The following ELMO1 variants were observed in gnomAD, a reference collection of about 807,000 sequenced individuals.
ELMO1 encodes the protein engulfment and cell motility 1.
Under a neutral mutation model 98.9 loss-of-function variants are expected in ELMO1, and 26 were observed. The observed-to-expected ratio is 0.26, with a 90% CI of 0.19 to 0.36. The LOEUF is 0.36. ELMO1 is among the 10% of genes least tolerant of loss of function. ELMO1 has a pLI of 1.00. For synonymous variants in ELMO1, 346 were observed against 346.0 expected, an observed-to-expected ratio of 1.00 and a Z score of 0.00; for missense variants, 627 against 935.2, an observed-to-expected ratio of 0.67 and a Z score of 4.30.
At chr7:37,395,113 C>G (rs1803235901) in intron 1 of ELMO1, among the ~76,000 whole-genome samples, 1 of 151,954 alleles carries the variant, frequency 6.6e-6, no homozygotes, top group African/African-American at 2.4e-5. Context: ...TGCCTGTAAT[C>G]CCAGCACTAT....
chr7:36,861,926 C>A, intron 20 of ELMO1, 190 bp from the exon 21 acceptor site: 1 of 607,192 alleles, frequency 1.6e-6, no homozygotes, highest in South Asian at 1.9e-5. Context: ...CCATTCACGG[C>A]GGTCTGTGAA....
chr7:37,324,875 C>T lies in ELMO1; in HGVS notation c.79-8915G>A, dbSNP rs188194382. 1.4e-3 allele frequency among the ~76,000 whole-genome samples: 215 copies of T among 152,310 alleles called. 1 individual carries two copies. Among genetic ancestry groups the T allele is most frequent in the Admixed American group, 0.013 (196 of 15,300 alleles). On this transcript the variant is annotated intron_variant, in intron 2 of 21. Coordinates refer to ENST00000310758, the MANE Select transcript of ELMO1 (RefSeq NM_014800.11). Reference sequence around the variant, plus strand: ...TTACAGGCGTAAGCACCGCACCTGGCCATCAATGACTTTAGAGGACTTCCA... The same window carrying T: ...TTACAGGCGTAAGCACCGCACCTGGTCATCAATGACTTTAGAGGACTTCCA...
chr7:37,137,223 A>G (rs1163318138), intron 13 of ELMO1, among the ~76,000 whole-genome samples: 1 of 152,228 alleles, frequency 6.6e-6, no homozygotes, highest in African/African-American at 2.4e-5. Context: ...GGGAAATATC[A>G]CAATACTAAA....
At chr7:37,346,189 A>AC (rs1184015573) in intron 1 of ELMO1, among the ~76,000 whole-genome samples, 1 of 151,638 alleles carries the variant, frequency 6.6e-6, no homozygotes, top group East Asian at 1.9e-4. Context: ...AGAACTCCTG[A>AC]CCCCCTGGAC....
At chr7:37,347,387 T>C (rs1801056775) in intron 1 of ELMO1, among the ~76,000 whole-genome samples, 1 of 152,048 alleles carries the variant, frequency 6.6e-6, no homozygotes, top group African/African-American at 2.4e-5. Context: ...CTCCACCCTC[T>C]AGAGGTCAAC....
At chr7:37,307,371 T>A (rs1798666260) in intron 4 of ELMO1, among the ~76,000 whole-genome samples, 1 of 152,158 alleles carries the variant, frequency 6.6e-6, no homozygotes, top group Non-Finnish European at 1.5e-5. Context: ...CCCACTTCAC[T>A]CTGCACTTCT....
chr7:37,388,006 A>T (rs1246222431), intron 1 of ELMO1, among the ~76,000 whole-genome samples: 2 of 151,558 alleles, frequency 1.3e-5, no homozygotes, highest in Non-Finnish European at 1.5e-5. Flanking sequence ...CAATTTTTAC[A>T]TTTTTTTTGT....
intron 14 of ELMO1, among the ~76,000 whole-genome samples, chr7:37,132,617 T>C (rs925506729): frequency 1.3e-5 from 2 of 152,264 alleles, no homozygotes; most frequent in African/African-American, 4.8e-5. Context: ...ACAGAGAAAA[T>C]AGAGTCCCCC....
Position 37,155,503 on chromosome 7 carries a change from A to AAATAAAAAAAAAT in ELMO1, c.1087-22270_1087-22269insATTTTTTTTTATT, listed in dbSNP as rs1788692635. On this transcript the variant is annotated intron_variant, in intron 13 of 21. Transcript: ENST00000310758. ...AACGGAAAGCAAAAAAAAAAAAAAAAAAAAAGCAGGTGTTGCAATCCTGGT... is the reference window on the plus strand; with the variant it reads ...AACGGAAAGCAAAAAAAAAAAAAAAAAATAAAAAAAAATAAAAAGCAGGTGTTGCAATCCTGGT... 9.7e-3 allele frequency among the ~76,000 whole-genome samples: 1,276 copies of AAATAAAAAAAAAT among 131,776 alleles called. 22 individuals carry two copies. Among genetic ancestry groups the AAATAAAAAAAAAT allele is most frequent in the African/African-American group, 0.015 (549 of 36,932 alleles). 86.5% of individuals were successfully genotyped at this position (131,776 alleles called of 152,430 possible). A position where few individuals can be genotyped will look rare whatever the true frequency, so the allele number is the denominator to read the frequency against.
intron 1 of ELMO1, among the ~76,000 whole-genome samples, chr7:37,350,383 A>T (rs569670117): frequency 1.3e-5 from 2 of 152,334 alleles, no homozygotes; most frequent in South Asian, 4.1e-4. Flanking sequence ...GGAAACTTGC[A>T]GAGAAAAGTC....
chr7:36,857,892 T>A (rs1321321553), intron 21 of ELMO1, among the ~76,000 whole-genome samples: 1 of 152,100 alleles, frequency 6.6e-6, no homozygotes, highest in African/African-American at 2.4e-5. Context: ...GAACACTCCA[T>A]CATACCAGAA....
intron 4 of ELMO1, among the ~76,000 whole-genome samples, chr7:37,306,010 T>TG (rs1471182248): frequency 6.6e-6 from 1 of 152,150 alleles, no homozygotes; most frequent in African/African-American, 2.4e-5. Flanking sequence ...TCTCCAAAAG[T>TG]GGGGCTACAG....
At chr7:36,985,207 A>T (rs1233345305) in intron 16 of ELMO1, 1 of 769,138 alleles carries the variant, frequency 1.3e-6, no homozygotes, top group East Asian at 1.3e-4. Context: ...CAATCCTTGA[A>T]TATAACTTTG....
At chr7:36,990,464 A>C (rs563371113) in intron 16 of ELMO1, among the ~76,000 whole-genome samples, 1 of 152,196 alleles carries the variant, frequency 6.6e-6, no homozygotes, top group African/African-American at 2.4e-5. Flanking sequence ...TGTGCTGTCC[A>C]CAAAAGGAGA....
chr7:37,429,869 T>A (rs1042913212), intron 1 of ELMO1: 7 of 152,236 alleles, frequency 4.6e-5, no homozygotes, highest in African/African-American at 1.7e-4. Flanking sequence ...CAGACTACAA[T>A]TACCTGGTGC....
chr7:37,284,198 A>G (rs947935913), intron 4 of ELMO1, among the ~76,000 whole-genome samples: 1 of 152,270 alleles, frequency 6.6e-6, no homozygotes, highest in Admixed American at 6.5e-5. Context: ...GACCCTGGGC[A>G]TGTCAATTTG....
intron 1 of ELMO1, among the ~76,000 whole-genome samples, chr7:37,441,142 G>GAA (rs757128289): frequency 7.2e-6 from 1 of 138,840 alleles, no homozygotes; most frequent in East Asian, 2.1e-4. Flanking sequence ...ATTCTGAACT[G>GAA]AAAAAAAAAA....
At chr7:37,266,673 G>A (rs995239138) in intron 5 of ELMO1, among the ~76,000 whole-genome samples, 4 of 152,106 alleles carry the variant, frequency 2.6e-5, no homozygotes, top group African/African-American at 9.7e-5. Flanking sequence ...ATATATTTGT[G>A]TATTTCTTTA....
chr7:37,019,221 T>C (rs1428989018), intron 15 of ELMO1, among the ~76,000 whole-genome samples: 2 of 152,244 alleles, frequency 1.3e-5, no homozygotes, highest in Non-Finnish European at 2.9e-5. Flanking sequence ...CCCAGCATTG[T>C]ATCTCCAGCA....
Sources: gnomAD v4.1 joint callset for allele counts (sites outside exome capture counted in the v4.1 genomes callset) on GRCh38, gnomAD v4.1.1 for gene constraint, MANE v1.5 for transcripts, NCBI Gene and HGNC (gene_info 2026-07-23, HGNC 2026-07-21) for gene names.